MYO1G: variants seen among roughly 807,000 people sequenced by gnomAD.
MYO1G encodes myosin IG.
Under a neutral mutation model 115.3 loss-of-function variants are expected in MYO1G, and 65 were observed. That is an observed-to-expected ratio of 0.56 (90% CI 0.46 to 0.69). MYO1G has a LOEUF of 0.69. MYO1G is among the 30% of genes least tolerant of loss of function. The pLI, the probability that MYO1G is intolerant of heterozygous loss-of-function variation, is 0.00. For synonymous variants in MYO1G, 510 were observed against 552.6 expected, an observed-to-expected ratio of 0.92 and a Z score of 1.08; for missense variants, 1,204 against 1,393.5, an observed-to-expected ratio of 0.86 and a Z score of 2.16.
At chr7:44,975,952 C>G (rs1315235343) in intron 3 of MYO1G, among the ~76,000 whole-genome samples, 1 of 152,182 alleles carries the variant, frequency 6.6e-6, no homozygotes, top group East Asian at 1.9e-4. Flanking sequence ...TCAGCTGCAG[C>G]CTGGGGAGGA....
chr7:44,965,615 T>A (rs1334931587), intron 17 of MYO1G, 22 bp downstream of exon 17: 20 of 1,600,926 alleles, frequency 1.2e-5, no homozygotes, highest in Non-Finnish European at 1.7e-5. Context: ...GAATGGAATG[T>A]GTGGTGGGCT....
chr7:44,963,349 G>T lies in MYO1G; in HGVS notation c.2746-225C>A. 3.8e-6 allele frequency: 2 copies of T among 528,328 alleles called. No individual in the cohort carries two copies. The highest frequency in any genetic ancestry group is 6.5e-6 in the Non-Finnish European group (2 of 306,012). The allele number at this position is 528,328 out of a possible 1,614,324, so 32.7% of individuals were successfully genotyped here. A position where few individuals can be genotyped will look rare whatever the true frequency, so the allele number is the denominator to read the frequency against. ...GCACAATACGATTTTCTCCAGGACT[G>T]ATGGTTCTAGATCCTTGCTGTCCAA... is the stretch of plus-strand genomic sequence containing the variant. On this transcript the variant is annotated intron_variant, in intron 20 of 21. Coordinates refer to ENST00000258787, the MANE Select transcript of MYO1G (RefSeq NM_033054.3). The surrounding 1 kb of genome is among the most constrained non-coding windows in gnomAD (Gnocchi z 4.1).
Position 44,963,256 on chromosome 7 carries a change from C to T in MYO1G, c.2746-132G>A, listed in dbSNP as rs977323045. 1.4e-5 allele frequency: 15 copies of T among 1,104,068 alleles called. No homozygotes were observed. The African/African-American group carries it at 2.0e-4, about 15-fold the overall frequency. 68.4% of individuals were successfully genotyped at this position (1,104,068 alleles called of 1,614,324 possible). The stretch of plus-strand genomic sequence containing the variant: ...GGGAGCGCCGCCCTCGCCAGGGCCA[C>T]CAGCCCCCCACCGCCCCCTCCTCCC... On this transcript the variant is annotated intron_variant, in intron 20 of 21. Coordinates refer to ENST00000258787, the MANE Select transcript of MYO1G (RefSeq NM_033054.3). The surrounding 1 kb of genome is among the most constrained non-coding windows in gnomAD (Gnocchi z 4.1).
chr7:44,967,675 T>C lies in MYO1G; in HGVS notation c.1712A>G (p.Lys571Arg). Residue 571 changes from lysine (K) to arginine (R), a missense_variant, in exon 14 of 22, where the codon AAG (lysine) becomes AGG (arginine). Physicochemically the swap from Lys to Arg is conservative, Grantham distance 26 (BLOSUM62 2). Transcript: ENST00000258787. ...GAGTGTGCCAGCCGTCAGGGGGCGC[T>C]TGGTCACCTCTGTGATGTCCTGCTG... is the stretch of plus-strand genomic sequence containing the variant. ...DGQQDITEVT[K>R]RPLTAGTLFK... 1.2e-6 allele frequency: 2 copies of C among 1,613,752 alleles called. No homozygotes were observed. The highest frequency in any genetic ancestry group is 1.7e-6 in the Non-Finnish European group (2 of 1,179,990).
rs771847318 is a variant in MYO1G at position 44,970,754 on chromosome 7, C to A, written c.1072-17G>T. 1 of 1,613,716 alleles carries A rather than the reference C, an allele frequency of 6.2e-7. No individual in the cohort carries two copies. The highest frequency in any genetic ancestry group is 1.3e-5 in the African/African-American group (1 of 75,046). On this transcript the variant is annotated splice_polypyrimidine_tract_variant and intron_variant, in intron 8 of 21. Transcript: ENST00000258787. ...GTACACTGCCTGGGGGATAGGAACA[C>A]CCTGCTTCCTGCTGCCTCTGGCCTG... is the stretch of plus-strand genomic sequence containing the variant.
chr7:44,969,594 A>G lies in MYO1G; in HGVS notation c.1503+111T>C. 2 of 1,568,662 alleles carry G rather than the reference A, an allele frequency of 1.3e-6. No individual in the cohort carries two copies. Among genetic ancestry groups the G allele is most frequent in the Non-Finnish European group, 1.8e-6 (2 of 1,142,670 alleles). On this transcript the variant is annotated intron_variant, in intron 11 of 21. Transcript: ENST00000258787. The surrounding 1 kb of genome is among the most constrained non-coding windows in gnomAD (Gnocchi z 5.0). ...AGAGAAGGTTGCCACAGTGACGACA[A>G]TGGCACCAAAGCTGGGTCCCCAACC...
Position 44,977,022 on chromosome 7 carries a change from C to G in MYO1G, c.145G>C (p.Val49Leu). 1 of 1,613,394 alleles carries G rather than the reference C, an allele frequency of 6.2e-7. No homozygotes were observed. Among genetic ancestry groups the G allele is most frequent in the Non-Finnish European group, 8.5e-7 (1 of 1,179,986 alleles). ...AGGGGCAGCTCCTGGTAGGGGTTCA[C>G]GGACACCAGCACCTCACCGATGTAG... Reference protein sequence around the residue: ...YTYIGEVLVSVNPYQELPLYG... With the variant: ...YTYIGEVLVSLNPYQELPLYG... Residue 49 changes from valine (V) to leucine (L), a missense_variant, in exon 2 of 22, where the codon GTG becomes CTG. By Grantham distance (32) the Val-to-Leu change is conservative. Coordinates refer to ENST00000258787, the MANE Select transcript of MYO1G (RefSeq NM_033054.3).
At position 44,976,939 on chromosome 7, in the gene MYO1G, G is replaced by A; in HGVS notation, c.228C>T (p.Pro76=). The A allele has an allele frequency of 1.2e-6, 2 of 1,613,604 alleles. No individual in the cohort carries two copies. Among genetic ancestry groups the A allele is most frequent in the Non-Finnish European group, 1.7e-6 (2 of 1,180,026 alleles). The change falls in exon 2 of 22, where the codon CCC becomes CCT. Residue 76 remains proline (P), a synonymous_variant. Coordinates refer to ENST00000258787, the MANE Select transcript of MYO1G (RefSeq NM_033054.3). The part of the protein sequence containing the change: ...YQGRELYERP[P]HLYAVANAAY... Reference sequence around the variant, plus strand: ...CGGCGTTGGCCACAGCATAGAGATGGGGTGGCCGCTCATAGAGCTCACGGC... The same window carrying A: ...CGGCGTTGGCCACAGCATAGAGATGAGGTGGCCGCTCATAGAGCTCACGGC...
At chr7:44,978,460 A>C (rs921341694) in intron 1 of MYO1G, among the ~76,000 whole-genome samples, 4 of 152,190 alleles carry the variant, frequency 2.6e-5, no homozygotes, top group Non-Finnish European at 5.9e-5. Context: ...AGGGAGCATC[A>C]ACAACTGGCT....
At chr7:44,972,913 T>TC (rs1356504701) in intron 5 of MYO1G, 3 of 148,456 alleles carry the variant, frequency 2.0e-5, no homozygotes, top group Non-Finnish European at 4.5e-5. Flanking sequence ...CTGCTGTTAT[T>TC]CCAGAGAGCT....
At chr7:44,978,558 C>T (rs1795124260) in intron 1 of MYO1G, among the ~76,000 whole-genome samples, 1 of 152,196 alleles carries the variant, frequency 6.6e-6, no homozygotes, top group Non-Finnish European at 1.5e-5. Flanking sequence ...ATGCCCTGGC[C>T]CCGTCGGGCA....
In MYO1G at chr7:44,963,107, C is replaced by G; in HGVS notation, c.2763G>C (p.Val921=). The G allele has an allele frequency of 1.3e-6, 2 of 1,503,330 alleles. No individual in the cohort carries two copies. Among genetic ancestry groups the G allele is most frequent in the Non-Finnish European group, 1.8e-6 (2 of 1,131,554 alleles). The allele number at this position is 1,503,330 out of a possible 1,614,324, so 93.1% of individuals were successfully genotyped here. Residue 921 remains valine, a synonymous_variant, in exon 21 of 22, where the codon GTG becomes GTC. Transcript: ENST00000258787. This position sits in a 1 kb window ranked among gnomAD's most constrained non-coding sequence, Gnocchi z 4.1. Reference sequence around the variant, plus strand: ...CCACCAGCTGGTCTCCTCCGCTGGTCACGCTCAGCCCCGTCACCTGAGCGG... The same window carrying G: ...CCACCAGCTGGTCTCCTCCGCTGGTGACGCTCAGCCCCGTCACCTGAGCGG... The part of the protein sequence containing the change: ...VPLEAVTGLS[V]TSGGDQLVVL...
chr7:44,970,653 C>T lies in MYO1G; in HGVS notation c.1156G>A (p.Gly386Ser), dbSNP rs758648715. The change falls in exon 9 of 22, where the codon GGC (glycine) becomes AGC (serine). Residue 386 changes from glycine to serine, a missense_variant. Transcript: ENST00000258787. ...AGCACGCCAATGACTGTGTCCTTGC[C>T]ATCACGCCGAGGATCCCGGCCCCGG... ...EPRGRDPRRD[G>S]KDTVIGVLDI... is the part of the protein sequence containing the mutation. The T allele has an allele frequency of 1.2e-6, 2 of 1,613,950 alleles. No individual in the cohort carries two copies. Among genetic ancestry groups the T allele is most frequent in the Non-Finnish European group, 1.7e-6 (2 of 1,180,042 alleles).
chr7:44,962,807 G>T lies in MYO1G; in HGVS notation c.2989C>A (p.Pro997Thr). The T allele has an allele frequency of 6.6e-7, 1 of 1,520,408 alleles. No homozygotes were observed. 94.2% of individuals were successfully genotyped at this position (1,520,408 alleles called of 1,614,324 possible). Reference sequence around the variant, plus strand: ...CGGAAATCGGGCTCTGGCTGCTCCGGCCTGGGCTCCACGGAGATGAGGCGC... The same window carrying T: ...CGGAAATCGGGCTCTGGCTGCTCCGTCCTGGGCTCCACGGAGATGAGGCGC... ...VRRLISVEPR[P>T]EQPEPDFRCA... The change falls in exon 22 of 22, where the codon CCG becomes ACG. Residue 997 changes from proline (P) to threonine (T), a missense_variant. By Grantham distance (38) the Pro-to-Thr change is conservative. Transcript: ENST00000258787. The surrounding 1 kb of genome is among the most constrained non-coding windows in gnomAD (Gnocchi z 5.3).
At position 44,964,279 on chromosome 7, in the gene MYO1G, G is replaced by A; in HGVS notation, c.2632-117C>T. ...CTGGCGACAGTTTTGGGAGTGTCAG[G>A]AGCAGCTGGGCCTGGGCTGGGGTTG... On this transcript the variant is annotated intron_variant, in intron 19 of 21. Transcript: ENST00000258787. The surrounding 1 kb of genome is among the most constrained non-coding windows in gnomAD (Gnocchi z 5.1). 1 of 1,281,878 alleles carries A rather than the reference G, an allele frequency of 7.8e-7. No individual in the cohort carries two copies. The allele number at this position is 1,281,878 out of a possible 1,614,324, so 79.4% of individuals were successfully genotyped here. A position where few individuals can be genotyped will look rare whatever the true frequency, so the allele number is the denominator to read the frequency against.
Position 44,969,683 on chromosome 7 carries a change from G to T in MYO1G, c.1503+22C>A, listed in dbSNP as rs1226900485. On this transcript the variant is annotated intron_variant, in intron 11 of 21. Coordinates refer to ENST00000258787, the MANE Select transcript of MYO1G (RefSeq NM_033054.3). The surrounding 1 kb of genome is among the most constrained non-coding windows in gnomAD (Gnocchi z 5.0). ...CAGGTCCCACCAGCCCACTGTGGTGGCACTGGGACAGCCGGGGGCACCTGG... is the reference window on the plus strand; with the variant it reads ...CAGGTCCCACCAGCCCACTGTGGTGTCACTGGGACAGCCGGGGGCACCTGG... The T allele has an allele frequency of 1.9e-6, 3 of 1,609,058 alleles. No individual in the cohort carries two copies. The highest frequency in any genetic ancestry group is 2.5e-6 in the Non-Finnish European group (3 of 1,179,082).
chr7:44,964,587 C>A lies in MYO1G; in HGVS notation c.2527-68G>T. 1.6e-6 allele frequency: 2 copies of A among 1,256,672 alleles called. No individual in the cohort carries two copies. The highest frequency in any genetic ancestry group is 3.4e-5 in the Admixed American group (2 of 59,096). 77.8% of individuals were successfully genotyped at this position (1,256,672 alleles called of 1,614,324 possible). Reference sequence around the variant, plus strand: ...TCATGGGACCAGACTCAATTGATAGCAGCTGTCTGTGAATCAGCATAGCTA... The same window carrying A: ...TCATGGGACCAGACTCAATTGATAGAAGCTGTCTGTGAATCAGCATAGCTA... On this transcript the variant is annotated intron_variant, in intron 18 of 21. Transcript: ENST00000258787. The surrounding 1 kb of genome is among the most constrained non-coding windows in gnomAD (Gnocchi z 5.1).
chr7:44,964,544 G>C lies in MYO1G; in HGVS notation c.2527-25C>G, dbSNP rs2128700944. 1 of 1,584,190 alleles carries C rather than the reference G, an allele frequency of 6.3e-7. No individual in the cohort carries two copies. Among genetic ancestry groups the C allele is most frequent in the Non-Finnish European group, 8.7e-7 (1 of 1,153,184 alleles). On this transcript the variant is annotated intron_variant, in intron 18 of 21. Coordinates refer to ENST00000258787, the MANE Select transcript of MYO1G (RefSeq NM_033054.3). This position sits in a 1 kb window ranked among gnomAD's most constrained non-coding sequence, Gnocchi z 5.1. Reference sequence around the variant, plus strand: ...CCTGAGGACAGATGGAGGGGAGGGGGCGCTGCTTGGGATTGAGTCATGGGA... The same window carrying C: ...CCTGAGGACAGATGGAGGGGAGGGGCCGCTGCTTGGGATTGAGTCATGGGA...
chr7:44,969,336 T>C lies in MYO1G; in HGVS notation c.1574+77A>G, dbSNP rs1014148050. 2.7e-6 allele frequency: 4 copies of C among 1,498,746 alleles called. No homozygotes were observed. The highest frequency in any genetic ancestry group is 3.7e-6 in the Non-Finnish European group (4 of 1,076,244). The allele number at this position is 1,498,746 out of a possible 1,614,324, so 92.8% of individuals were successfully genotyped here. A position where few individuals can be genotyped will look rare whatever the true frequency, so the allele number is the denominator to read the frequency against. On this transcript the variant is annotated intron_variant, in intron 12 of 21. Coordinates refer to ENST00000258787, the MANE Select transcript of MYO1G (RefSeq NM_033054.3). The surrounding 1 kb of genome is among the most constrained non-coding windows in gnomAD (Gnocchi z 5.0). ...AACACCTGTCTCCGAGCCACTCCCC[T>C]GAAGCGCTCCTGCCCCATGACACAT...
Sources: allele counts gnomAD v4.1 joint callset (sites outside exome capture counted in the v4.1 genomes callset), GRCh38; gene constraint gnomAD v4.1.1; non-coding constraint Gnocchi (gnomAD v3.1); transcripts MANE v1.5; gene names NCBI Gene and HGNC (gene_info 2026-07-23, HGNC 2026-07-21).